MIX23: variants seen among roughly 807,000 people sequenced by gnomAD.
MIX23 encodes protein MIX23.
A neutral mutation model predicts 21.6 loss-of-function variants in MIX23; 13 were observed. The observed-to-expected ratio is 0.60, with a 90% CI of 0.39 to 0.96. The LOEUF (loss-of-function observed/expected upper bound fraction) is 0.96, where lower values mean the gene tolerates loss of function less well. Among genes scored for constraint, MIX23 ranks in the 40% least tolerant of loss-of-function variants. The pLI, the probability that MIX23 is intolerant of heterozygous loss-of-function variation, is 0.00. For synonymous variants in MIX23, 59 were observed against 58.0 expected (o/e 1.02, Z -0.08); for missense variants, 144 against 171.2 (o/e 0.84, Z 0.89).
intron 4 of MIX23, among the ~76,000 whole-genome samples, chr3:122,361,900 G>A (rs4491840): frequency 0.17 from 26,067 of 152,088 alleles, 2,427 homozygotes; most frequent in Middle Eastern, 0.27. Context: ...TTCTGGTTTT[G>A]GTTCAGCTAA....
At chr3:122,373,595 G>A (rs1224339884) in intron 1 of MIX23, among the ~76,000 whole-genome samples, 1 of 152,082 alleles carries the variant, frequency 6.6e-6, no homozygotes, top group African/African-American at 2.4e-5. Flanking sequence ...TTAAATAGTT[G>A]CGTTTAAGTA....
Position 122,359,861 on chromosome 3 carries a change from A to AAAAATAT in MIX23, c.*7_*8insATATTTT. On this transcript the variant is annotated 3_prime_UTR_variant, in exon 5 of 5. Coordinates refer to ENST00000291458, the MANE Select transcript of MIX23 (RefSeq NM_001017928.4). ...AAAAAAAAAAAAAAAAAAAAAAAGA[A>AAAAATAT]TCTCTCTTTATTCATTCTTTGGAGG... 6.7e-7 allele frequency: 1 copy of AAAAATAT among 1,488,610 alleles called. No homozygotes were observed. 92.2% of individuals were successfully genotyped at this position (1,488,610 alleles called of 1,614,324 possible).
Position 122,363,045 on chromosome 3 carries a change from AT to A in MIX23, c.325-19del. On this transcript the variant is annotated intron_variant, in intron 3 of 4. Coordinates refer to ENST00000291458, the MANE Select transcript of MIX23 (RefSeq NM_001017928.4). Reference sequence around the variant, plus strand: ...CATTTCAACTGCAAGAAAAAAAAAAATTGAAGTTATAAAATTTAAAGAGCAA... The same window carrying A: ...CATTTCAACTGCAAGAAAAAAAAAAATGAAGTTATAAAATTTAAAGAGCAA... 1.9e-6 allele frequency: 3 copies of A among 1,586,744 alleles called. No individual in the cohort carries two copies. Among genetic ancestry groups the A allele is most frequent in the Non-Finnish European group, 1.7e-6 (2 of 1,163,050 alleles).
chr3:122,371,713 T>C lies in MIX23; in HGVS notation c.139A>G (p.Ile47Val), dbSNP rs2075443176. The change falls in exon 2 of 5, where the codon ATT (isoleucine) becomes GTT (valine). Residue 47 changes from isoleucine (I) to valine (V), a missense_variant. By Grantham distance (29) the Ile-to-Val change is conservative. Coordinates refer to ENST00000291458, the MANE Select transcript of MIX23 (RefSeq NM_001017928.4). Reference protein sequence around the residue: ...TVPTASFAGKIDASQTCKQLY... With the variant: ...TVPTASFAGKVDASQTCKQLY... Reference sequence around the variant, plus strand: ...TGTTTACAGGTTTGGCTGGCATCAATTTTCCCTGCAAAGGAAGCTGTTGGA... The same window carrying C: ...TGTTTACAGGTTTGGCTGGCATCAACTTTCCCTGCAAAGGAAGCTGTTGGA... 1.2e-6 allele frequency: 2 copies of C among 1,612,484 alleles called. No individual in the cohort carries two copies. The highest frequency in any genetic ancestry group is 1.7e-6 in the Non-Finnish European group (2 of 1,179,804).
chr3:122,363,052 T>C (rs374071369), intron 3 of MIX23, 25 bp from the exon 4 acceptor site: 19 of 1,583,512 alleles, frequency 1.2e-5, no homozygotes, highest in Non-Finnish European at 1.6e-5. Flanking sequence ...AAAATTGAAG[T>C]TATAAAATTT....
At chr3:122,378,042 T>C (rs577773671) in intron 1 of MIX23, among the ~76,000 whole-genome samples, 6 of 152,202 alleles carry the variant, frequency 3.9e-5, no homozygotes, top group Non-Finnish European at 7.3e-5. Context: ...GATAGGATTT[T>C]AGTCTTTTCT....
chr3:122,368,543 G>A (rs1411261250), intron 2 of MIX23, among the ~76,000 whole-genome samples: 2 of 152,156 alleles, frequency 1.3e-5, no homozygotes, highest in African/African-American at 4.8e-5. Context: ...GTCTGGGGCT[G>A]TCCTCTTCCT....
intron 4 of MIX23, among the ~76,000 whole-genome samples, chr3:122,361,862 T>C (rs1254511436): frequency 6.6e-6 from 1 of 152,204 alleles, no homozygotes; most frequent in South Asian, 2.1e-4. Flanking sequence ...TATTTTGCAA[T>C]GTGTTCATGT....
chr3:122,382,595 T>G lies in MIX23; in HGVS notation c.51+579A>C, dbSNP rs183963852. On this transcript the variant is annotated intron_variant, in intron 1 of 4. Transcript: ENST00000291458. ...CCAGATCCCTATTCTTGCATTCAGG[T>G]GTTAATAATTAGCCCTAGGTCTCTG... Among the ~76,000 whole-genome samples, 14 of 152,330 alleles carry G rather than the reference T, an allele frequency of 9.2e-5. No individual in the cohort carries two copies. The East Asian group carries it at 1.2e-3, about 13-fold the overall frequency.
At chr3:122,377,220 T>G (rs188371688) in intron 1 of MIX23, among the ~76,000 whole-genome samples, 1 of 152,098 alleles carries the variant, frequency 6.6e-6, no homozygotes, top group Non-Finnish European at 1.5e-5. Flanking sequence ...ATCTAAAATT[T>G]TTTAAATTAG....
chr3:122,360,678 G>T (rs552204968), intron 4 of MIX23, among the ~76,000 whole-genome samples: 6 of 151,882 alleles, frequency 4.0e-5, no homozygotes, highest in East Asian at 1.9e-4. Context: ...AAATTGAAAA[G>T]AATTTTTTCT....
intron 1 of MIX23, among the ~76,000 whole-genome samples, chr3:122,381,735 A>T (rs1304783311): frequency 1.3e-5 from 2 of 151,906 alleles, no homozygotes; most frequent in African/African-American, 2.4e-5. Flanking sequence ...AAATAAAAAA[A>T]AAAAAAAAAA....
At position 122,371,709 on chromosome 3, in the gene MIX23, T is replaced by A. The variant is rs2075443076; in HGVS notation, c.143A>T (p.Asp48Val). ...AAGTTGTTTACAGGTTTGGCTGGCA[T>A]CAATTTTCCCTGCAAAGGAAGCTGT... ...VPTASFAGKI[D>V]ASQTCKQLYE... The change falls in exon 2 of 5, where the codon GAT (aspartate) becomes GTT (valine). Residue 48 changes from aspartate (D) to valine (V), a missense_variant. Transcript: ENST00000291458. 9 of 1,612,548 alleles carry A rather than the reference T, an allele frequency of 5.6e-6. No individual in the cohort carries two copies. Among genetic ancestry groups the A allele is most frequent in the South Asian group, 4.4e-5 (4 of 91,020 alleles).
intron 3 of MIX23, among the ~76,000 whole-genome samples, chr3:122,364,661 CCT>C (rs1182390572): frequency 2.0e-5 from 3 of 152,094 alleles, no homozygotes; most frequent in East Asian, 1.9e-4. Flanking sequence ...GGAATCCTCC[CCT>C]GTCACAACAC....
rs143829308 is a variant in MIX23 at position 122,361,400 on chromosome 3, C to A, written c.385-1481G>T. Among the ~76,000 whole-genome samples, 980 of 152,224 alleles carry A rather than the reference C, an allele frequency of 6.4e-3. 11 individuals carry two copies. The highest frequency in any genetic ancestry group is 0.022 in the African/African-American group (901 of 41,530). ...GCTTCAGTTTAGTGGCCTTGACACA[C>A]TGGTTGGGGTGATATATACAACTTG... On this transcript the variant is annotated intron_variant, in intron 4 of 4. Transcript: ENST00000291458.
At chr3:122,379,487 A>G (rs1227561518) in intron 1 of MIX23, among the ~76,000 whole-genome samples, 1 of 152,238 alleles carries the variant, frequency 6.6e-6, no homozygotes, top group East Asian at 1.9e-4. Context: ...GCCCTCACAC[A>G]TTGTGAGCAA....
chr3:122,361,573 A>C (rs568921207), intron 4 of MIX23, among the ~76,000 whole-genome samples: 1 of 152,200 alleles, frequency 6.6e-6, no homozygotes, highest in African/African-American at 2.4e-5. Context: ...ATTTTCTTTA[A>C]AACTAATATT....
At chr3:122,366,165 G>A (rs1278630735) in intron 3 of MIX23, among the ~76,000 whole-genome samples, 1 of 151,188 alleles carries the variant, frequency 6.6e-6, no homozygotes, top group East Asian at 1.9e-4. Context: ...GCGATAGTGC[G>A]AGACTCCATC....
rs1042132246 is a variant in MIX23 at position 122,367,396 on chromosome 3, C to T, written c.324+780G>A. On this transcript the variant is annotated intron_variant, in intron 3 of 4. Transcript: ENST00000291458. ...AATATGCTGTATTTTTCTATTGTTT[C>T]CTTGACACGTCACATACAAGTGCTG... Among the ~76,000 whole-genome samples the T allele has an allele frequency of 1.1e-4, 16 of 152,172 alleles. 1 individual carries two copies.
Sources: allele counts gnomAD v4.1 joint callset (sites outside exome capture counted in the v4.1 genomes callset), GRCh38; gene constraint gnomAD v4.1.1; transcripts MANE v1.5; gene names NCBI Gene and HGNC (gene_info 2026-07-23, HGNC 2026-07-21).